ADGRE3: variants seen among roughly 807,000 people sequenced by gnomAD.
ADGRE3 encodes adhesion G protein-coupled receptor E3.
ADGRE3 carries 88 observed loss-of-function variants against 80.1 expected under a neutral mutation model. The observed-to-expected ratio is 1.10, with a 90% CI of 0.93 to 1.31. The LOEUF (loss-of-function observed/expected upper bound fraction) is 1.31. Ranked by LOEUF, ADGRE3 falls within the 40% of genes most tolerant of loss-of-function variation. The probability of loss-of-function intolerance (pLI) is 0.00; values close to 1 mark genes in which losing one functional copy is unlikely to be tolerated. For missense variants in ADGRE3, 715 were observed against 776.5 expected (o/e 0.92, Z 0.94); for synonymous variants, 281 against 294.8 (o/e 0.95, Z 0.48).
At position 14,636,092 on chromosome 19, in the gene ADGRE3, T is replaced by TTCTTTC. The variant is rs1568481213; in HGVS notation, c.1484+2007_1484+2012dup. Among the ~76,000 whole-genome samples the TTCTTTC allele has an allele frequency of 4.3e-4, 16 of 37,286 alleles. 1 individual carries two copies. The highest frequency in any genetic ancestry group is 1.3e-3 in the African/African-American group (16 of 12,364). 24.5% of individuals were successfully genotyped at this position (37,286 alleles called of 152,430 possible). A position where few individuals can be genotyped will look rare whatever the true frequency, so the allele number is the denominator to read the frequency against. ...TTTCCTTTCCTTTCCCTTTCTTTCT[T>TTCTTTC]TCTTTCTTTCTTTCTTTCTTTCTTT... On this transcript the variant is annotated intron_variant, in intron 11 of 15. Transcript: ENST00000253673.
the ADGRE3 span, chr19:14,610,993 TC>T: frequency 1.4e-5 from 2 of 141,386 alleles, no homozygotes; most frequent in African/African-American, 5.1e-5. Flanking sequence ...ACTTTCCCCA[TC>T]TTTTCCTTTT....
chr19:14,641,383 G>A (rs757114551), intron 10 of ADGRE3, 36 bp downstream of exon 10: 3 of 1,612,710 alleles, frequency 1.9e-6, no homozygotes, highest in African/African-American at 2.7e-5. Flanking sequence ...GTGTACCTTG[G>A]GGCAGAAAGG....
chr19:14,659,332 C>T (rs779522762), intron 4 of ADGRE3, among the ~76,000 whole-genome samples: 1 of 152,130 alleles, frequency 6.6e-6, no homozygotes, highest in Non-Finnish European at 1.5e-5. Flanking sequence ...CGCGAGCCAC[C>T]GTGCCTGGCC....
intron 10 of ADGRE3, among the ~76,000 whole-genome samples, chr19:14,639,878 A>G (rs1971200591): frequency 6.6e-6 from 1 of 152,156 alleles, no homozygotes; most frequent in Admixed American, 6.6e-5. Context: ...TTTTCAATAT[A>G]GAATATATTG....
At chr19:14,658,361 A>G (rs1971834262) in intron 5 of ADGRE3, 152 bp downstream of exon 5, 2 of 317,922 alleles carry the variant, frequency 6.3e-6, no homozygotes, top group Non-Finnish European at 1.1e-5. Context: ...TTTATATATA[A>G]CATATTCTTT....
chr19:14,610,780 C>T, the ADGRE3 span: 44 of 152,620 alleles, frequency 2.9e-4, no homozygotes, highest in South Asian at 8.2e-3. Context: ...TTGGGCTTCC[C>T]AAATTGTGAG....
chr19:14,618,407 T>C (rs1287628276), downstream of ADGRE3, among the ~76,000 whole-genome samples: 3 of 151,864 alleles, frequency 2.0e-5, no homozygotes, highest in South Asian at 6.2e-4. Flanking sequence ...AATACAAAAT[T>C]AGCTGGGCAT....
At chr19:14,656,011 C>T (rs562122345) in intron 5 of ADGRE3, among the ~76,000 whole-genome samples, 9 of 151,696 alleles carry the variant, frequency 5.9e-5, no homozygotes, top group Admixed American at 2.6e-4. Context: ...TGGACACACA[C>T]GAGGAGTGAG....
At chr19:14,636,290 G>A (rs1971085931) in intron 11 of ADGRE3, among the ~76,000 whole-genome samples, 1 of 145,746 alleles carries the variant, frequency 6.9e-6, no homozygotes, top group African/African-American at 2.6e-5. Context: ...TACAATCACA[G>A]CTCACTGCAA....
At chr19:14,634,357 C>A (rs936118098) in intron 11 of ADGRE3, among the ~76,000 whole-genome samples, 6 of 152,114 alleles carry the variant, frequency 3.9e-5, no homozygotes, top group African/African-American at 1.4e-4. Context: ...GAACCTATTA[C>A]ACACAATTGG....
intron 5 of ADGRE3, among the ~76,000 whole-genome samples, chr19:14,658,185 A>G (rs1457761158): frequency 6.6e-6 from 1 of 152,068 alleles, no homozygotes; most frequent in African/African-American, 2.4e-5. Context: ...AGTGAGCTGG[A>G]TAATGATACA....
intron 14 of ADGRE3, among the ~76,000 whole-genome samples, chr19:14,627,661 G>A (rs900953640): frequency 3.3e-5 from 5 of 151,962 alleles, no homozygotes; most frequent in African/African-American, 7.2e-5. Context: ...TTACAGGCAC[G>A]AGCCACCACG....
chr19:14,610,460 G>A, the ADGRE3 span: 18 of 472,802 alleles, frequency 3.8e-5, no homozygotes, highest in Admixed American at 4.1e-4. Flanking sequence ...GGGGTTGAAA[G>A]GATCTTCACT....
rs1465221176 is a variant in ADGRE3 at position 14,628,870 on chromosome 19, C to T, written c.1812+1169G>A. The T allele has an allele frequency of 1.8e-5, 3 of 165,398 alleles. No homozygotes were observed. The Admixed American group carries it at 1.9e-4, about 11-fold the overall frequency. The allele number at this position is 165,398 out of a possible 1,614,324, so 10.2% of individuals were successfully genotyped here. A position where few individuals can be genotyped will look rare whatever the true frequency, so the allele number is the denominator to read the frequency against. Reference sequence around the variant, plus strand: ...GAGATAAATCAGTCCAGCATGGTGGCTTACACCTGTAATCCCGGCACTATA... The same window carrying T: ...GAGATAAATCAGTCCAGCATGGTGGTTTACACCTGTAATCCCGGCACTATA... On this transcript the variant is annotated intron_variant, in intron 14 of 15. Coordinates refer to ENST00000253673, the MANE Select transcript of ADGRE3 (RefSeq NM_032571.5).
At chr19:14,620,537 T>A (rs1035921844) in intron 15 of ADGRE3, among the ~76,000 whole-genome samples, 739 of 18,286 alleles carry the variant, frequency 0.04, 34 homozygotes, top group African/African-American at 0.1. Flanking sequence ...TATATATATT[T>A]TATATATATA....
intron 4 of ADGRE3, among the ~76,000 whole-genome samples, chr19:14,661,091 G>A (rs528561611): frequency 3.9e-5 from 6 of 151,980 alleles, no homozygotes; most frequent in African/African-American, 1.2e-4. Context: ...ACAGGCACCC[G>A]CCACCACACC....
intron 13 of ADGRE3, among the ~76,000 whole-genome samples, chr19:14,632,159 T>G (rs956832103): frequency 3.9e-5 from 6 of 152,208 alleles, no homozygotes; most frequent in Admixed American, 2.6e-4. Flanking sequence ...ATTTGTAATT[T>G]AAGCATGTGA....
chr19:14,663,708 G>A (rs561015331), intron 2 of ADGRE3, among the ~76,000 whole-genome samples, 168 bp from the exon 3 acceptor site: 9 of 150,752 alleles, frequency 6.0e-5, no homozygotes, highest in Non-Finnish European at 1.2e-4. Context: ...GCGTGGTGGT[G>A]CATGCCTATA....
At chr19:14,628,416 G>A (rs1970789796) in intron 14 of ADGRE3, among the ~76,000 whole-genome samples, 1 of 151,958 alleles carries the variant, frequency 6.6e-6, no homozygotes, top group South Asian at 2.1e-4. Flanking sequence ...TCCAGCCTGG[G>A]TGACAGAGCA....
Sources: allele counts gnomAD v4.1 joint callset (sites outside exome capture counted in the v4.1 genomes callset), GRCh38; gene constraint gnomAD v4.1.1; transcripts MANE v1.5; gene names NCBI Gene and HGNC (gene_info 2026-07-23, HGNC 2026-07-21).